The following MGAM2 variants were observed in gnomAD, a reference collection of about 807,000 sequenced individuals.
MGAM2 encodes the protein probable maltase-glucoamylase 2.
Under a neutral mutation model 96.1 loss-of-function variants are expected in MGAM2, and 98 were observed. The observed-to-expected ratio is 1.02, with a 90% CI of 0.87 to 1.21. The LOEUF is 1.21. MGAM2 is among the 50% of genes most tolerant of loss of function. The pLI is 0.00. For missense variants in MGAM2, 2,055 were observed against 1,182.4 expected (o/e 1.74, Z -10.82); for synonymous variants, 749 against 414.8 (o/e 1.81, Z -9.79).
intron 45 of MGAM2, among the ~76,000 whole-genome samples, chr7:142,207,225 G>A (rs562203003): frequency 1.3e-5 from 2 of 152,166 alleles, no homozygotes; most frequent in South Asian, 2.1e-4. Context: ...AGGTGTGTGG[G>A]CAAAGTGGCC....
At chr7:142,175,910 G>GTTTTT in intron 32 of MGAM2, 130 bp downstream of exon 32, 1 of 448,840 alleles carries the variant, frequency 2.2e-6, no homozygotes, top group Non-Finnish European at 3.9e-6. Context: ...GTTTTGTTTT[G>GTTTTT]CAACTTCTTG....
At position 142,221,822 on chromosome 7, in the gene MGAM2, A is replaced by G. The variant is rs1797941281; in HGVS notation, c.7311A>G (p.Ser2437=). The G allele has an allele frequency of 5.0e-6, 2 of 400,322 alleles. No homozygotes were observed. The highest frequency in any genetic ancestry group is 8.8e-6 in the Non-Finnish European group (2 of 227,138). 24.8% of individuals were successfully genotyped at this position (400,322 alleles called of 1,614,324 possible). Residue 2437 remains serine (S), a synonymous_variant, in exon 48 of 48, where the codon TCA becomes TCG. Coordinates refer to ENST00000477922, the MANE Select transcript of MGAM2 (RefSeq NM_001293626.2). The stretch of plus-strand genomic sequence containing the variant: ...GTAACACGACACACATTTCTGTTTC[A>G]AATCTCACAACAGCCTCAGTCACAA... ...VTGNTTHISV[S]NLTTASVTIT...
At chr7:142,194,356 A>G (rs753566691) in intron 37 of MGAM2, among the ~76,000 whole-genome samples, 7 of 152,092 alleles carry the variant, frequency 4.6e-5, no homozygotes, top group Non-Finnish European at 1.0e-4. Context: ...TATTTTAGTG[A>G]AAGGAACCAA....
intron 12 of MGAM2, 108 bp from the exon 13 acceptor site, chr7:142,143,661 A>G: frequency 2.2e-6 from 1 of 452,296 alleles, no homozygotes; most frequent in Non-Finnish European, 4.0e-6. Context: ...CACACATTTT[A>G]TTTCTAAAAT....
chr7:142,179,766 G>A (rs752832698), intron 32 of MGAM2, among the ~76,000 whole-genome samples: 10 of 152,130 alleles, frequency 6.6e-5, no homozygotes, highest in Non-Finnish European at 1.5e-4. Flanking sequence ...TGGTTTGTTA[G>A]TCTTTTGTTG....
chr7:142,210,254 C>G (rs2129105149), intron 46 of MGAM2, among the ~76,000 whole-genome samples: 1 of 152,068 alleles, frequency 6.6e-6, no homozygotes. Context: ...GTTTCAAGCA[C>G]AAAACTGAGT....
intron 37 of MGAM2, among the ~76,000 whole-genome samples, chr7:142,190,952 T>C (rs1796850619): frequency 6.6e-6 from 1 of 151,910 alleles, no homozygotes; most frequent in African/African-American, 2.4e-5. Context: ...TTGGGCAACA[T>C]AATGAGACCC....
In MGAM2 at chr7:142,172,673, C is replaced by T. The variant is rs1278004123; in HGVS notation, c.3470C>T (p.Pro1157Leu). 2.8e-6 allele frequency: 2 copies of T among 704,280 alleles called. No homozygotes were observed. The allele number at this position is 704,280 out of a possible 1,614,324, so 43.6% of individuals were successfully genotyped here. ...NAMDVTLQPT[P>L]ALTYRTTGGI... ...ACAGATGTGACATTACAGCCCACTCCTGCTCTGACATACCGCACCACAGGA... is the reference window on the plus strand; with the variant it reads ...ACAGATGTGACATTACAGCCCACTCTTGCTCTGACATACCGCACCACAGGA... The change falls in exon 30 of 48, where the codon CCT becomes CTT. Residue 1157 changes from proline to leucine, a missense_variant. Coordinates refer to ENST00000477922, the MANE Select transcript of MGAM2 (RefSeq NM_001293626.2).
intron 45 of MGAM2, among the ~76,000 whole-genome samples, chr7:142,207,059 A>G (rs142391305): frequency 6.6e-6 from 1 of 152,336 alleles, no homozygotes; most frequent in East Asian, 1.9e-4. Context: ...TTCGAGAGTT[A>G]GTTGGTTTGG....
At chr7:142,130,445 T>TGTGTG (rs1219638805) in intron 3 of MGAM2, among the ~76,000 whole-genome samples, 1 of 152,216 alleles carries the variant, frequency 6.6e-6, no homozygotes, top group Non-Finnish European at 1.5e-5. Context: ...GCACAAGAAA[T>TGTGTG]GTGTGGTTTT....
chr7:142,144,126 T>C, intron 13 of MGAM2: 1 of 303,092 alleles, frequency 3.3e-6, no homozygotes, highest in East Asian at 5.5e-5. Context: ...TTTTGCTTTC[T>C]CCATTAACTG....
chr7:142,209,783 A>G (rs867070570), intron 46 of MGAM2, among the ~76,000 whole-genome samples: 7 of 152,166 alleles, frequency 4.6e-5, no homozygotes, highest in South Asian at 4.1e-4. Context: ...CCGAGAGCAT[A>G]TTTTAGAGCT....
chr7:142,184,463 A>T (rs1394104156), intron 33 of MGAM2, among the ~76,000 whole-genome samples: 2 of 152,210 alleles, frequency 1.3e-5, no homozygotes, highest in African/African-American at 4.8e-5. Flanking sequence ...ACTCTTAGGA[A>T]ACAAGTACTA....
chr7:142,143,025 T>C (rs1271306466), intron 12 of MGAM2, among the ~76,000 whole-genome samples: 1 of 152,228 alleles, frequency 6.6e-6, no homozygotes, highest in Admixed American at 6.6e-5. Context: ...ATCCATTTAC[T>C]GTGGGTATTT....
intron 1 of MGAM2, 99 bp from the exon 2 acceptor site, chr7:142,116,775 C>T: frequency 1.5e-6 from 1 of 674,784 alleles, no homozygotes. Context: ...TCAAGGTCAT[C>T]TTGCAAACAA....
At chr7:142,191,394 G>A (rs1796863374) in intron 37 of MGAM2, among the ~76,000 whole-genome samples, 1 of 152,032 alleles carries the variant, frequency 6.6e-6, no homozygotes, top group South Asian at 2.1e-4. Flanking sequence ...TTATTCCTAT[G>A]TCTTCTTCTA....
At chr7:142,201,675 T>C (rs541666247) in intron 45 of MGAM2, among the ~76,000 whole-genome samples, 2 of 152,344 alleles carry the variant, frequency 1.3e-5, no homozygotes, top group African/African-American at 4.8e-5. Flanking sequence ...TGCATCTGTA[T>C]TGACCATGTA....
intron 3 of MGAM2, among the ~76,000 whole-genome samples, chr7:142,128,986 C>G (rs902453333): frequency 1.4e-4 from 22 of 152,204 alleles, no homozygotes; most frequent in Admixed American, 1.4e-3. Flanking sequence ...GCCGCAGACA[C>G]TCAATGCCAG....
Position 142,187,730 on chromosome 7 carries a change from T to G in MGAM2, c.4123-20T>G, listed in dbSNP as rs1318169384. ...CCTGCCCCTGACATGACGAGATCTT[T>G]TTTTGTTAACTCATTTCAGGATATG... is the stretch of plus-strand genomic sequence containing the variant. On this transcript the variant is annotated intron_variant, in intron 35 of 47. Transcript: ENST00000477922. 1.4e-6 allele frequency: 1 copy of G among 702,084 alleles called. No individual in the cohort carries two copies. The highest frequency in any genetic ancestry group is 2.6e-6 in the Non-Finnish European group (1 of 384,314). 43.5% of individuals were successfully genotyped at this position (702,084 alleles called of 1,614,324 possible).
Sources: gnomAD v4.1 joint callset for allele counts (sites outside exome capture counted in the v4.1 genomes callset) on GRCh38, gnomAD v4.1.1 for gene constraint, MANE v1.5 for transcripts, NCBI Gene and HGNC (gene_info 2026-07-23, HGNC 2026-07-21) for gene names.